Variants in ERC2 observed in about 807,000 individuals in gnomAD.
ERC2 encodes ERC protein 2.
Under a neutral mutation model 114.8 loss-of-function variants are expected in ERC2, and 42 were observed. That is an observed-to-expected ratio of 0.37 (90% confidence interval 0.29 to 0.47). The LOEUF is 0.47. ERC2 is among the 20% of genes least tolerant of loss of function. The probability of loss-of-function intolerance (pLI) is 0.99; values close to 1 mark genes in which losing one functional copy is unlikely to be tolerated. For missense variants in ERC2, 939 were observed against 1,150.7 expected, an observed-to-expected ratio of 0.82 and a Z score of 2.66; for synonymous variants, 454 against 425.5, an observed-to-expected ratio of 1.07 and a Z score of -0.82.
intron 4 of ERC2, among the ~76,000 whole-genome samples, chr3:56,170,966 C>T (rs1229064874): frequency 1.3e-5 from 2 of 151,854 alleles, no homozygotes; most frequent in Non-Finnish European, 2.9e-5. Context: ...GGGGTTTCAC[C>T]GTGTTAGTCA....
At chr3:56,235,271 C>A (rs2150187623) in intron 3 of ERC2, among the ~76,000 whole-genome samples, 1 of 152,222 alleles carries the variant, frequency 6.6e-6, no homozygotes, top group East Asian at 1.9e-4. Flanking sequence ...TAGGTATGGC[C>A]CCTGTCCACA....
rs141833712 is a variant in ERC2, at chr3:55,510,028, A to G, written c.*1288T>C. ...GTTATAACAATTTAAATTGTTTCTT[A>G]ATATTCAGAGGAAGCAGTAGGAGTT... On this transcript the variant is annotated 3_prime_UTR_variant, in exon 18 of 18. Transcript: ENST00000288221. 9.4e-3 allele frequency: 1,431 copies of G among 152,756 alleles called. 18 individuals carry two copies. The highest frequency in any genetic ancestry group is 0.034 in the Admixed American group (517 of 15,302). The allele number at this position is 152,756 out of a possible 1,614,324, so 9.5% of individuals were successfully genotyped here.
intron 1 of ERC2, among the ~76,000 whole-genome samples, chr3:56,463,441 T>C (rs1056809756): frequency 4.6e-5 from 7 of 151,980 alleles, no homozygotes; most frequent in African/African-American, 1.7e-4. Context: ...CAGACCCAAC[T>C]CTCATGGCCA....
chr3:56,382,121 C>T (rs2059774810), intron 2 of ERC2, among the ~76,000 whole-genome samples: 1 of 146,628 alleles, frequency 6.8e-6, no homozygotes, highest in African/African-American at 2.8e-5. Context: ...CCTGCAGCAC[C>T]CCATCAACTC....
At chr3:56,175,405 T>C (rs2082922828) in intron 3 of ERC2, among the ~76,000 whole-genome samples, 5 of 152,180 alleles carry the variant, frequency 3.3e-5, no homozygotes. Context: ...CATTTATGAA[T>C]ACAGAAACAG....
rs538046479 is a variant in ERC2 at position 56,411,268 on chromosome 3, C to T, written c.657+23083G>A. On this transcript the variant is annotated intron_variant, in intron 2 of 17. Transcript: ENST00000288221. ...TATCTGTAAATAACAAGAAAGATGT[C>T]GAAATATTAACGCCTCCTCCATGAG... Among the ~76,000 whole-genome samples, 12 of 151,542 alleles carry T rather than the reference C, an allele frequency of 7.9e-5. No homozygotes were observed. The South Asian group carries it at 1.3e-3, about 16-fold the overall frequency.
chr3:56,024,789 T>C (rs980287940), intron 7 of ERC2, among the ~76,000 whole-genome samples: 4 of 152,190 alleles, frequency 2.6e-5, no homozygotes, highest in Non-Finnish European at 4.4e-5. Context: ...AAACAATTGC[T>C]CTGGACTTTC....
intron 17 of ERC2, among the ~76,000 whole-genome samples, chr3:55,627,397 C>T (rs1294399313): frequency 6.6e-6 from 1 of 152,014 alleles, no homozygotes; most frequent in East Asian, 1.9e-4. Context: ...ACCCAGGAGG[C>T]AGAGGTTGCA....
intron 2 of ERC2, among the ~76,000 whole-genome samples, chr3:56,386,945 T>C (rs902685999): frequency 2.0e-5 from 3 of 152,222 alleles, no homozygotes; most frequent in Non-Finnish European, 4.4e-5. Flanking sequence ...AAGCCTTTTG[T>C]TGGCAACAAG....
rs1417757844 is a variant in ERC2, at chr3:56,279,121, T to C, written c.1074+16898A>G. 2.6e-5 allele frequency among the ~76,000 whole-genome samples: 4 copies of C among 152,178 alleles called. No individual in the cohort carries two copies. The East Asian group carries it at 7.7e-4, about 29-fold the overall frequency. ...CTGCCTGATTTTTGCAAATTTTCTGTAAGTCTGTAAGTAGTTAAAAATAAA... is the reference window on the plus strand; with the variant it reads ...CTGCCTGATTTTTGCAAATTTTCTGCAAGTCTGTAAGTAGTTAAAAATAAA... On this transcript the variant is annotated intron_variant, in intron 3 of 17. Transcript: ENST00000288221.
chr3:56,076,502 A>T (rs1185603974), intron 7 of ERC2, among the ~76,000 whole-genome samples: 1 of 152,188 alleles, frequency 6.6e-6, no homozygotes, highest in Non-Finnish European at 1.5e-5. Flanking sequence ...CAGGTATGGG[A>T]ACAGAAAACT....
At chr3:55,714,593 T>C (rs558724008) in intron 15 of ERC2, among the ~76,000 whole-genome samples, 7 of 149,756 alleles carry the variant, frequency 4.7e-5, no homozygotes, top group Admixed American at 3.3e-4. Flanking sequence ...TCATATAAAA[T>C]AGTATATAAA....
At chr3:56,316,649 T>G (rs2056878070) in intron 2 of ERC2, among the ~76,000 whole-genome samples, 1 of 152,082 alleles carries the variant, frequency 6.6e-6, no homozygotes, top group African/African-American at 2.4e-5. Flanking sequence ...GTAAATAACC[T>G]CTCTTAATAT....
chr3:56,187,457 T>C (rs115674384), intron 3 of ERC2, among the ~76,000 whole-genome samples: 220 of 152,270 alleles, frequency 1.4e-3, no homozygotes, highest in African/African-American at 4.6e-3. Flanking sequence ...TTATTTTTGT[T>C]TTAGGTAAGT....
At chr3:55,911,572 A>G (rs922869282) in intron 13 of ERC2, among the ~76,000 whole-genome samples, 6 of 152,364 alleles carry the variant, frequency 3.9e-5, no homozygotes, top group Middle Eastern at 3.4e-3. Context: ...AGGTTTATTT[A>G]TGAAAGGATT....
chr3:55,681,229 TG>T (rs987891299), intron 17 of ERC2, among the ~76,000 whole-genome samples: 1 of 152,208 alleles, frequency 6.6e-6, no homozygotes, highest in African/African-American at 2.4e-5. Flanking sequence ...GAGGAGCTGA[TG>T]GGGTTGTTAT....
chr3:55,617,618 A>T (rs1256128299), intron 17 of ERC2, among the ~76,000 whole-genome samples: 2 of 151,964 alleles, frequency 1.3e-5, no homozygotes, highest in Non-Finnish European at 2.9e-5. Flanking sequence ...AAGATGATAA[A>T]CTCCCAGAGC....
At chr3:56,101,065 C>G (rs1441100198) in intron 6 of ERC2, among the ~76,000 whole-genome samples, 1 of 152,192 alleles carries the variant, frequency 6.6e-6, no homozygotes. Flanking sequence ...TGAATGAAAT[C>G]TGCTCTTTCT....
intron 2 of ERC2, among the ~76,000 whole-genome samples, chr3:56,389,465 A>C (rs981723524): frequency 1.3e-5 from 2 of 152,178 alleles, no homozygotes; most frequent in Non-Finnish European, 2.9e-5. Flanking sequence ...CCAGCTCATG[A>C]CAGTGGCATG....
Sources: allele counts gnomAD v4.1 joint callset (sites outside exome capture counted in the v4.1 genomes callset), GRCh38; gene constraint gnomAD v4.1.1; transcripts MANE v1.5; gene names NCBI Gene and HGNC (gene_info 2026-07-23, HGNC 2026-07-21).